Variants in CNTNAP2 observed in about 807,000 individuals in gnomAD.
CNTNAP2 encodes the protein contactin-associated protein-like 2.
In CNTNAP2, 98 loss-of-function variants were observed where a neutral mutation model predicts 155.2. The observed-to-expected ratio is 0.63, with a 90% CI of 0.54 to 0.75. CNTNAP2 has a LOEUF of 0.75. Among genes scored for constraint, CNTNAP2 ranks in the 30% least tolerant of loss-of-function variants. The probability of loss-of-function intolerance (pLI) is 0.00; values close to 1 mark genes in which losing one functional copy is unlikely to be tolerated. For synonymous variants in CNTNAP2, 651 were observed against 631.2 expected, an observed-to-expected ratio of 1.03 and a Z score of -0.47; for missense variants, 1,727 against 1,688.1, an observed-to-expected ratio of 1.02 and a Z score of -0.40.
intron 12 of CNTNAP2, among the ~76,000 whole-genome samples, chr7:147,610,086 T>A (rs891292067): frequency 6.6e-6 from 1 of 152,134 alleles, no homozygotes. Context: ...TATAGTTGCC[T>A]TTATAAAAAC....
chr7:146,687,044 G>A (rs768594781), intron 1 of CNTNAP2, among the ~76,000 whole-genome samples: 12 of 152,242 alleles, frequency 7.9e-5, no homozygotes, highest in Non-Finnish European at 1.5e-4. Context: ...TGAGCGAGGT[G>A]CATGAGGTAC....
intron 9 of CNTNAP2, among the ~76,000 whole-genome samples, chr7:147,354,251 G>A (rs1353639606): frequency 6.6e-6 from 1 of 152,062 alleles, no homozygotes; most frequent in Non-Finnish European, 1.5e-5. Flanking sequence ...TTTTCGTCTA[G>A]GGTTTTTATG....
At chr7:146,148,393 T>C (rs1384592993) in intron 1 of CNTNAP2, among the ~76,000 whole-genome samples, 1 of 152,150 alleles carries the variant, frequency 6.6e-6, no homozygotes, top group African/African-American at 2.4e-5. Context: ...AATGACACGA[T>C]AGTCACTTTC....
At chr7:147,744,626 T>C (rs1315085448) in intron 13 of CNTNAP2, among the ~76,000 whole-genome samples, 1 of 152,186 alleles carries the variant, frequency 6.6e-6, no homozygotes, top group African/African-American at 2.4e-5. Flanking sequence ...AAATTTATTT[T>C]CTCACAGTTT....
At chr7:147,450,428 C>G (rs1797812360) in intron 10 of CNTNAP2, among the ~76,000 whole-genome samples, 1 of 152,284 alleles carries the variant, frequency 6.6e-6, no homozygotes, top group Non-Finnish European at 1.5e-5. Flanking sequence ...CAAATGAGAA[C>G]CCACCCTAAC....
rs977397274 is a variant in CNTNAP2 at position 147,518,318 on chromosome 7, A to G, written c.1777+32277A>G. On this transcript the variant is annotated intron_variant, in intron 11 of 23. Transcript: ENST00000361727. ...AAAGAGAAAAAATTAAGTAGAAAAA[A>G]AAGGAGAATGTGAGAGACTGGGGAG... Among the ~76,000 whole-genome samples the G allele has an allele frequency of 4.6e-5, 7 of 152,202 alleles. No homozygotes were observed. In the South Asian group the frequency reaches 1.4e-3, roughly 31 times the overall value.
chr7:146,577,422 A>G (rs954283591), intron 1 of CNTNAP2, among the ~76,000 whole-genome samples: 1 of 152,116 alleles, frequency 6.6e-6, no homozygotes, highest in African/African-American at 2.4e-5. Flanking sequence ...CAAAATTTAA[A>G]GCACTTCTAC....
At chr7:147,432,293 G>C (rs1022323657) in intron 10 of CNTNAP2, among the ~76,000 whole-genome samples, 2 of 152,084 alleles carry the variant, frequency 1.3e-5, no homozygotes, top group East Asian at 3.9e-4. Flanking sequence ...CAAGCAAATT[G>C]TGTCCAGACA....
intron 14 of CNTNAP2, among the ~76,000 whole-genome samples, chr7:147,924,772 C>A (rs1374933968): frequency 6.6e-6 from 1 of 151,988 alleles, no homozygotes; most frequent in East Asian, 1.9e-4. Flanking sequence ...GAGAGCCAAG[C>A]TGTACATAGA....
chr7:147,298,100 G>A (rs1169048195), intron 8 of CNTNAP2, among the ~76,000 whole-genome samples: 3 of 152,090 alleles, frequency 2.0e-5, no homozygotes, highest in Non-Finnish European at 4.4e-5. Context: ...TTCCTTTAGA[G>A]CAGGGATTTT....
intron 1 of CNTNAP2, among the ~76,000 whole-genome samples, chr7:146,569,685 G>C (rs1798412311): frequency 6.6e-6 from 1 of 152,152 alleles, no homozygotes; most frequent in Admixed American, 6.5e-5. Context: ...CAACTTCAAA[G>C]CTCACAGACA....
At chr7:146,350,363 G>A (rs1467576153) in intron 1 of CNTNAP2, among the ~76,000 whole-genome samples, 1 of 152,066 alleles carries the variant, frequency 6.6e-6, no homozygotes, top group Non-Finnish European at 1.5e-5. Context: ...CAAAAAGTGG[G>A]CGAAGGATAT....
intron 1 of CNTNAP2, among the ~76,000 whole-genome samples, chr7:146,261,813 GTATCCTGTAAT>G (rs1799923245): frequency 6.6e-6 from 1 of 152,072 alleles, no homozygotes; most frequent in African/African-American, 2.4e-5. Context: ...ATTTGAAAAT[GTATCCTGTAAT>G]ACCTAGACAT....
chr7:148,382,560 G>T lies in CNTNAP2; in HGVS notation c.3476-1089G>T, dbSNP rs189884407. On this transcript the variant is annotated intron_variant, in intron 21 of 23. Coordinates refer to ENST00000361727, the MANE Select transcript of CNTNAP2 (RefSeq NM_014141.6). ...CTGGTTCACAATAGATAACAGAACG[G>T]CTTCAGCAAAGGGCAAGCAAGCGTA... Among the ~76,000 whole-genome samples, 181 of 152,292 alleles carry T rather than the reference G, an allele frequency of 1.2e-3. 1 individual carries two copies. Among genetic ancestry groups the T allele is most frequent in the Middle Eastern group, 3.4e-3 (1 of 294 alleles).
At chr7:147,842,566 TTTTTTTTACTTTTTACTTTTC>T in intron 13 of CNTNAP2, among the ~76,000 whole-genome samples, 1 of 143,040 alleles carries the variant, frequency 7.0e-6, no homozygotes, top group Middle Eastern at 3.8e-3. Flanking sequence ...TCTTTTTTTT[TTTTTTTTACTTTTTACTTTTC>T]TTTTTTTTTT....
At chr7:147,931,869 C>A (rs191244555) in intron 14 of CNTNAP2, among the ~76,000 whole-genome samples, 2 of 151,946 alleles carry the variant, frequency 1.3e-5, no homozygotes, top group African/African-American at 4.8e-5. Context: ...ATTCTTTTTT[C>A]TTTATTTTAT....
intron 21 of CNTNAP2, among the ~76,000 whole-genome samples, chr7:148,276,039 A>G (rs1442217474): frequency 3.9e-5 from 6 of 152,192 alleles, no homozygotes; most frequent in Admixed American, 3.9e-4. Context: ...ATGCTGCAGC[A>G]TAAGCAGGGT....
chr7:146,518,204 C>T (rs1478865482), intron 1 of CNTNAP2, among the ~76,000 whole-genome samples: 1 of 151,012 alleles, frequency 6.6e-6, no homozygotes, highest in Non-Finnish European at 1.5e-5. Context: ...TAGAATTGAA[C>T]GTTATCATTT....
At chr7:147,477,607 A>T (rs919026308) in intron 10 of CNTNAP2, among the ~76,000 whole-genome samples, 6 of 152,180 alleles carry the variant, frequency 3.9e-5, no homozygotes, top group Admixed American at 1.3e-4. Context: ...AGTGCTTTCC[A>T]TGCCTAGTAA....
Sources: allele counts gnomAD v4.1 joint callset (sites outside exome capture counted in the v4.1 genomes callset), GRCh38; gene constraint gnomAD v4.1.1; transcripts MANE v1.5; gene names NCBI Gene and HGNC (gene_info 2026-07-23, HGNC 2026-07-21).